The following NRXN3 variants were observed in gnomAD, a reference collection of about 807,000 sequenced individuals.
NRXN3 encodes neurexin 3, also known as neurexin III.
NRXN3 carries 32 observed loss-of-function variants against 137.6 expected under a neutral mutation model. That is an observed-to-expected ratio of 0.23 (90% CI 0.18 to 0.31). The LOEUF is 0.31. NRXN3 is among the 10% of genes least tolerant of loss of function. NRXN3 has a pLI of 1.00. For synonymous variants in NRXN3, 798 were observed against 784.5 expected (o/e 1.02, Z -0.29); for missense variants, 1,574 against 2,062.5 (o/e 0.76, Z 4.59).
chr14:78,388,713 G>A (rs1159950791), intron 4 of NRXN3, among the ~76,000 whole-genome samples: 1 of 152,030 alleles, frequency 6.6e-6, no homozygotes, highest in Non-Finnish European at 1.5e-5. Context: ...CCCTGAAATA[G>A]AACACTTGGA....
At chr14:78,843,975 G>A (rs1304880196) in intron 10 of NRXN3, among the ~76,000 whole-genome samples, 1 of 152,078 alleles carries the variant, frequency 6.6e-6, no homozygotes, top group Non-Finnish European at 1.5e-5. Context: ...TGGCTTCCAA[G>A]CAAATTACCA....
chr14:78,929,094 C>G (rs1295994848), intron 10 of NRXN3, among the ~76,000 whole-genome samples: 1 of 152,098 alleles, frequency 6.6e-6, no homozygotes, highest in East Asian at 1.9e-4. Context: ...GCATAAATGT[C>G]TTCTTTTGAG....
chr14:78,349,040 C>T (rs1198205838), intron 4 of NRXN3, among the ~76,000 whole-genome samples: 1 of 152,192 alleles, frequency 6.6e-6, no homozygotes, highest in Admixed American at 6.5e-5. Flanking sequence ...AGTTTTGAAG[C>T]GTTGAGAGCC....
chr14:78,295,317 C>T (rs1475108130), intron 3 of NRXN3, among the ~76,000 whole-genome samples: 3 of 152,052 alleles, frequency 2.0e-5, no homozygotes, highest in Non-Finnish European at 2.9e-5. Context: ...TCGTGTATCT[C>T]GTTTTCTGGC....
At chr14:78,289,641 C>T (rs561844640) in intron 3 of NRXN3, among the ~76,000 whole-genome samples, 136 of 151,976 alleles carry the variant, frequency 8.9e-4, no homozygotes, top group Non-Finnish European at 1.3e-3. Flanking sequence ...GGGGGCCAGG[C>T]GTGGTGGCTC....
At position 78,843,686 on chromosome 14, in the gene NRXN3, C is replaced by A. The variant is rs1365927761; in HGVS notation, c.2275+33342C>A. On this transcript the variant is annotated intron_variant, in intron 10 of 20. Coordinates refer to ENST00000335750, the MANE Select transcript of NRXN3 (RefSeq NM_001330195.2). ...TTTCCTTGGGTAATTCCATTTCCCTCAATAAAGAAGGGAGGTTCTTCCATG... is the reference window on the plus strand; with the variant it reads ...TTTCCTTGGGTAATTCCATTTCCCTAAATAAAGAAGGGAGGTTCTTCCATG... Among the ~76,000 whole-genome samples, 5 of 152,168 alleles carry A rather than the reference C, an allele frequency of 3.3e-5. 1 individual carries two copies. The South Asian group carries it at 8.3e-4, about 25-fold the overall frequency.
intron 15 of NRXN3, among the ~76,000 whole-genome samples, chr14:79,033,282 C>A (rs2202167): frequency 0.38 from 57,706 of 151,896 alleles, 11,503 homozygotes; most frequent in Admixed American, 0.49. Flanking sequence ...CTTCCTTCTA[C>A]AATGCATACA....
At chr14:78,236,729 T>TC (rs5809870) in intron 1 of NRXN3, among the ~76,000 whole-genome samples, 50,863 of 138,484 alleles carry the variant, frequency 0.37, 9,539 homozygotes, top group Middle Eastern at 0.43. Flanking sequence ...TAGGTATTAT[T>TC]CCCCCCCCCC....
At chr14:78,207,720 C>T (rs994199491) in intron 1 of NRXN3, among the ~76,000 whole-genome samples, 4 of 152,212 alleles carry the variant, frequency 2.6e-5, no homozygotes, top group African/African-American at 9.6e-5. Context: ...AGTCATCACG[C>T]CCTTTTGGTT....
In NRXN3 at chr14:79,273,990, G is replaced by A. The variant is rs142699971; in HGVS notation, c.3263-193231G>A. Among the ~76,000 whole-genome samples the A allele has an allele frequency of 3.2e-3, 478 of 151,722 alleles. 2 individuals are homozygous for A. The Middle Eastern group carries it at 0.048, about 15-fold the overall frequency. On this transcript the variant is annotated intron_variant, in intron 15 of 20. Transcript: ENST00000335750. ...TGCATTCCTGTAATCCCAGCTACTC[G>A]GGAGGCTGAAGCAGGAGAATTGCTT... is the stretch of plus-strand genomic sequence containing the variant.
chr14:78,783,955 C>T (rs750116941), intron 8 of NRXN3, among the ~76,000 whole-genome samples: 1 of 150,530 alleles, frequency 6.6e-6, no homozygotes, highest in Non-Finnish European at 1.5e-5. Flanking sequence ...AGAGCATCTA[C>T]TATGGACCAG....
chr14:78,423,175 A>T (rs2093519944), intron 4 of NRXN3, among the ~76,000 whole-genome samples: 1 of 118,928 alleles, frequency 8.4e-6, no homozygotes, highest in Non-Finnish European at 1.7e-5. Context: ...GTTGCTCAGT[A>T]AAAATGCAGA....
intron 15 of NRXN3, among the ~76,000 whole-genome samples, chr14:79,261,738 A>G (rs1304489320): frequency 3.3e-5 from 5 of 151,844 alleles, no homozygotes; most frequent in Admixed American, 3.3e-4. Flanking sequence ...CTTCTTTAGC[A>G]CTATGCACAT....
chr14:78,441,827 T>C (rs1449055196), intron 4 of NRXN3, among the ~76,000 whole-genome samples: 1 of 152,158 alleles, frequency 6.6e-6, no homozygotes, highest in African/African-American at 2.4e-5. Flanking sequence ...CTGGGTGCAG[T>C]GGCTCACACC....
chr14:78,605,715 T>TAA (rs11422829), intron 4 of NRXN3, among the ~76,000 whole-genome samples: 11 of 151,918 alleles, frequency 7.2e-5, no homozygotes, highest in African/African-American at 2.7e-4. Context: ...GGGATTTCTT[T>TAA]AAAAAAAATA....
At chr14:78,824,103 CTTTTTTTT>C (rs11387026) in intron 10 of NRXN3, among the ~76,000 whole-genome samples, 4 of 98,928 alleles carry the variant, frequency 4.0e-5, no homozygotes, top group Admixed American at 1.2e-4. Context: ...TCACCTGCTT[CTTTTTTTT>C]TTTTTTTTTT....
At chr14:78,868,032 T>A (rs1213471205) in intron 10 of NRXN3, among the ~76,000 whole-genome samples, 3 of 148,318 alleles carry the variant, frequency 2.0e-5, no homozygotes, top group South Asian at 2.1e-4. Context: ...AATTTATATA[T>A]AAATTTTAAT....
intron 15 of NRXN3, among the ~76,000 whole-genome samples, chr14:79,174,396 AGT>A (rs1450850422): frequency 6.6e-6 from 1 of 152,064 alleles, no homozygotes; most frequent in Non-Finnish European, 1.5e-5. Context: ...TGAATTTAAA[AGT>A]GTGGTAACTC....
At chr14:78,859,519 T>C (rs910343096) in intron 10 of NRXN3, among the ~76,000 whole-genome samples, 1 of 152,120 alleles carries the variant, frequency 6.6e-6, no homozygotes, top group Non-Finnish European at 1.5e-5. Context: ...GAGCTTGGCG[T>C]TTATAACAGA....
Sources: allele counts gnomAD v4.1 joint callset (sites outside exome capture counted in the v4.1 genomes callset), GRCh38; gene constraint gnomAD v4.1.1; transcripts MANE v1.5; gene names NCBI Gene and HGNC (gene_info 2026-07-23, HGNC 2026-07-21).